The following DLGAP1 variants were observed in gnomAD, a reference collection of about 807,000 sequenced individuals.
The protein encoded by DLGAP1 is DLG associated protein 1, also known as disks large-associated protein 1.
A neutral mutation model predicts 90.8 loss-of-function variants in DLGAP1; 11 were observed. That is an observed-to-expected ratio of 0.12 (90% CI 0.08 to 0.20). The LOEUF (loss-of-function observed/expected upper bound fraction) is 0.20. Ranked by LOEUF, DLGAP1 falls within the 10% of genes least tolerant of loss-of-function variation. DLGAP1 has a pLI of 1.00. For missense variants in DLGAP1, 1,050 were observed against 1,333.8 expected, an observed-to-expected ratio of 0.79 and a Z score of 3.31; for synonymous variants, 558 against 540.7, an observed-to-expected ratio of 1.03 and a Z score of -0.44.
chr18:3,724,856 A>G (rs2062104274), intron 7 of DLGAP1, among the ~76,000 whole-genome samples: 1 of 151,654 alleles, frequency 6.6e-6, no homozygotes, highest in East Asian at 1.9e-4. Context: ...AGTAAGTTAT[A>G]ATCATACCAC....
At chr18:4,156,400 C>A (rs2076757173) in intron 1 of DLGAP1, among the ~76,000 whole-genome samples, 1 of 152,102 alleles carries the variant, frequency 6.6e-6, no homozygotes, top group Admixed American at 6.6e-5. Context: ...TGGTATGTAA[C>A]AGGAATGCAA....
intron 5 of DLGAP1, among the ~76,000 whole-genome samples, chr18:3,761,436 G>T (rs79797876): frequency 0.02 from 3,036 of 152,236 alleles, 57 homozygotes; most frequent in Middle Eastern, 0.085. Context: ...TTCCTTCAAG[G>T]CTGAATCATA....
intron 2 of DLGAP1, among the ~76,000 whole-genome samples, chr18:4,137,944 A>AT (rs2076433494): frequency 6.6e-6 from 1 of 152,118 alleles, no homozygotes; most frequent in Non-Finnish European, 1.5e-5. Context: ...AATGCTACGG[A>AT]TTTTTTATGT....
intron 1 of DLGAP1, among the ~76,000 whole-genome samples, chr18:4,194,695 T>TA (rs1295889627): frequency 6.6e-6 from 1 of 152,230 alleles, no homozygotes; most frequent in African/African-American, 2.4e-5. Context: ...CTGGCTTATT[T>TA]AACACAATTC....
At chr18:4,379,318 A>G (rs2144295431) in intron 1 of DLGAP1, among the ~76,000 whole-genome samples, 1 of 152,264 alleles carries the variant, frequency 6.6e-6, no homozygotes, top group East Asian at 1.9e-4. Flanking sequence ...TCTACTCCCA[A>G]GAAAACCCAG....
At chr18:4,339,560 C>T (rs2081145120) in intron 1 of DLGAP1, among the ~76,000 whole-genome samples, 1 of 152,116 alleles carries the variant, frequency 6.6e-6, no homozygotes, top group Non-Finnish European at 1.5e-5. Context: ...TTTGTATTTT[C>T]TGATCACACA....
intron 2 of DLGAP1, among the ~76,000 whole-genome samples, chr18:4,140,364 T>C (rs934325232): frequency 6.6e-6 from 1 of 151,984 alleles, no homozygotes; most frequent in Non-Finnish European, 1.5e-5. Flanking sequence ...TAACACTGAT[T>C]GTATAAACAA....
intron 7 of DLGAP1, among the ~76,000 whole-genome samples, chr18:3,587,568 A>AGTTGGCC (rs1264021108): frequency 6.6e-6 from 1 of 152,210 alleles, no homozygotes; most frequent in Admixed American, 6.5e-5. Flanking sequence ...AGGGAATAAA[A>AGTTGGCC]GTTGGCCACC....
intron 3 of DLGAP1, among the ~76,000 whole-genome samples, chr18:3,969,189 A>G (rs1428271394): frequency 6.6e-6 from 1 of 152,226 alleles, no homozygotes; most frequent in Non-Finnish European, 1.5e-5. Flanking sequence ...AGGTCAAACT[A>G]TGCGAACTTC....
In DLGAP1 at chr18:3,527,693, C is replaced by A. The variant is rs556692020; in HGVS notation, c.2479+6501G>T. 3.9e-5 allele frequency among the ~76,000 whole-genome samples: 6 copies of A among 152,094 alleles called. No homozygotes were observed. The East Asian group carries it at 7.7e-4, about 20-fold the overall frequency. ...GTAGCCTCGACCTCCTGGGCTCAAG[C>A]AATGCTCTCACCTCAGCCTCATGAG... On this transcript the variant is annotated intron_variant, in intron 10 of 12. Transcript: ENST00000315677.
intron 10 of DLGAP1, among the ~76,000 whole-genome samples, chr18:3,509,412 C>T (rs1382819112): frequency 6.6e-6 from 1 of 152,216 alleles, no homozygotes; most frequent in Non-Finnish European, 1.5e-5. Context: ...GTCTAAGGCA[C>T]CTTTCAGCTG....
chr18:4,337,863 T>C (rs1482809659), intron 1 of DLGAP1, among the ~76,000 whole-genome samples: 1 of 152,202 alleles, frequency 6.6e-6, no homozygotes, highest in East Asian at 1.9e-4. Context: ...ATTTCAGTGC[T>C]GTATTTTACA....
intron 1 of DLGAP1, among the ~76,000 whole-genome samples, chr18:4,385,253 T>C (rs1160431001): frequency 3.3e-5 from 5 of 152,116 alleles, no homozygotes; most frequent in Non-Finnish European, 5.9e-5. Context: ...TCAGGCAGCA[T>C]ATAGATTTTG....
At chr18:3,622,482 T>G (rs750407050) in intron 7 of DLGAP1, among the ~76,000 whole-genome samples, 2 of 152,180 alleles carry the variant, frequency 1.3e-5, no homozygotes, top group Non-Finnish European at 2.9e-5. Flanking sequence ...AAAGATTGGC[T>G]CTGTCCCCTG....
chr18:4,254,889 A>C (rs573818696), intron 1 of DLGAP1, among the ~76,000 whole-genome samples: 1 of 152,346 alleles, frequency 6.6e-6, no homozygotes, highest in Admixed American at 6.5e-5. Flanking sequence ...AAAAACATGA[A>C]TCAAGACAGT....
At chr18:4,318,771 T>TA (rs2080597167) in intron 1 of DLGAP1, among the ~76,000 whole-genome samples, 1 of 152,206 alleles carries the variant, frequency 6.6e-6, no homozygotes, top group East Asian at 1.9e-4. Context: ...ACACTGAAAA[T>TA]AATCTTTTAG....
intron 1 of DLGAP1, among the ~76,000 whole-genome samples, chr18:4,243,674 A>C (rs1026198977): frequency 1.3e-5 from 2 of 152,204 alleles, no homozygotes; most frequent in African/African-American, 4.8e-5. Context: ...TTTCTTTCTA[A>C]GAGCACTTAC....
intron 8 of DLGAP1, 57 bp downstream of exon 8, chr18:3,581,818 T>G: frequency 6.3e-7 from 1 of 1,585,002 alleles, no homozygotes. Flanking sequence ...AAACAAAAAG[T>G]GTTACATTCC....
chr18:3,948,693 C>G (rs1786447633), intron 3 of DLGAP1, among the ~76,000 whole-genome samples: 1 of 152,236 alleles, frequency 6.6e-6, no homozygotes, highest in South Asian at 2.1e-4. Context: ...TGATGTAACT[C>G]AGGAATGCTC....
Sources: allele counts gnomAD v4.1 joint callset (sites outside exome capture counted in the v4.1 genomes callset), GRCh38; gene constraint gnomAD v4.1.1; transcripts MANE v1.5; gene names NCBI Gene and HGNC (gene_info 2026-07-23, HGNC 2026-07-21).